Variants in SVEP1 observed in about 807,000 individuals in gnomAD.
SVEP1 encodes the protein sushi, von Willebrand factor type A, EGF and pentraxin domain containing 1.
A neutral mutation model predicts 367.3 loss-of-function variants in SVEP1; 164 were observed. The ratio of observed to expected loss-of-function variants is 0.45; its 90% CI spans 0.39 to 0.51. The LOEUF (loss-of-function observed/expected upper bound fraction) is 0.51. Among genes scored for constraint, SVEP1 ranks in the 20% least tolerant of loss-of-function variants. SVEP1 has a pLI of 0.00. For missense variants in SVEP1, 4,117 were observed against 4,425.3 expected (o/e 0.93, Z 1.98); for synonymous variants, 1,666 against 1,611.6 (o/e 1.03, Z -0.81).
At chr9:110,409,175 C>T (rs1224741080) in intron 37 of SVEP1, among the ~76,000 whole-genome samples, 1 of 152,142 alleles carries the variant, frequency 6.6e-6, no homozygotes, top group East Asian at 1.9e-4. Context: ...ACGATTCATG[C>T]CTACAATCCC....
chr9:110,443,954 G>A (rs77762920), intron 26 of SVEP1, among the ~76,000 whole-genome samples: 2 of 152,026 alleles, frequency 1.3e-5, no homozygotes, highest in Admixed American at 6.6e-5. Flanking sequence ...TAAACACTGA[G>A]GGGTAGGAAA....
At chr9:110,477,450 G>A (rs1226343954) in intron 13 of SVEP1, among the ~76,000 whole-genome samples, 1 of 152,178 alleles carries the variant, frequency 6.6e-6, no homozygotes, top group East Asian at 1.9e-4. Flanking sequence ...GAGAAAAAAT[G>A]TAACCCTGCT....
chr9:110,460,215 T>C (rs1190617081), intron 18 of SVEP1, among the ~76,000 whole-genome samples: 4 of 152,244 alleles, frequency 2.6e-5, no homozygotes, highest in Non-Finnish European at 2.9e-5. Context: ...ATATTTGGAA[T>C]ATGCTTTAAT....
chr9:110,555,222 A>G (rs552605465), intron 1 of SVEP1, among the ~76,000 whole-genome samples: 41 of 139,600 alleles, frequency 2.9e-4, no homozygotes, highest in East Asian at 2.5e-3. Flanking sequence ...AGAAGTGGGG[A>G]AAAAAAAAAA....
chr9:110,412,939 G>T (rs1828065166), intron 36 of SVEP1, among the ~76,000 whole-genome samples: 1 of 150,944 alleles, frequency 6.6e-6, no homozygotes, highest in African/African-American at 2.4e-5. Context: ...TTACACTGTT[G>T]GTGGGACTGT....
At chr9:110,416,180 GA>G (rs961059816) in intron 36 of SVEP1, among the ~76,000 whole-genome samples, 2 of 151,702 alleles carry the variant, frequency 1.3e-5, no homozygotes, top group African/African-American at 4.9e-5. Flanking sequence ...TTGGCAGACA[GA>G]AAAAACTGCA....
rs774801313 is a variant in SVEP1 at position 110,450,187 on chromosome 9, C to G, written c.3975G>C (p.Gln1325His). 6 of 1,613,780 alleles carry G rather than the reference C, an allele frequency of 3.7e-6. No individual in the cohort carries two copies. In the East Asian group the frequency reaches 1.3e-4, roughly 36 times the overall value. Residue 1325 changes from glutamine to histidine, a missense_variant, in exon 24 of 48, where the codon CAG becomes CAC. This residue lies in a region of SVEP1 where 2,174 missense variants were observed against 2,494.3 expected (regional missense o/e 0.87). Transcript: ENST00000374469. ...PCLNNAVCED[Q>H]VGGFLCKCPP... ...GGCATTTGCACAAGAATCCCCCAAC[C>G]TGGTCTTCACAGACTGCATTATTTA...
chr9:110,397,638 C>T (rs1025818333), intron 40 of SVEP1, among the ~76,000 whole-genome samples: 4 of 152,190 alleles, frequency 2.6e-5, no homozygotes, highest in African/African-American at 9.7e-5. Context: ...TAAGCAACTT[C>T]AGCAAAGTCT....
intron 36 of SVEP1, among the ~76,000 whole-genome samples, chr9:110,418,725 G>A (rs1828150566): frequency 2.3e-5 from 1 of 42,606 alleles, no homozygotes; most frequent in Non-Finnish European, 4.8e-5. Context: ...AGAAAGGTCG[G>A]GTTACCCTCA....
chr9:110,377,507 G>T, intron 44 of SVEP1, 141 bp from the exon 45 acceptor site: 3 of 657,502 alleles, frequency 4.6e-6, no homozygotes, highest in South Asian at 2.2e-5. Flanking sequence ...ATCTCAGGAG[G>T]GAATTTCAGT....
intron 21 of SVEP1, among the ~76,000 whole-genome samples, chr9:110,456,398 TC>T (rs1021608592): frequency 4.6e-5 from 7 of 152,256 alleles, no homozygotes; most frequent in Non-Finnish European, 7.4e-5. Context: ...TTTACAGAAT[TC>T]CCAAACAAGA....
At chr9:110,479,027 C>G (rs1829144252) in intron 13 of SVEP1, among the ~76,000 whole-genome samples, 1 of 151,968 alleles carries the variant, frequency 6.6e-6, no homozygotes, top group Non-Finnish European at 1.5e-5. Context: ...AAGTGATTCT[C>G]CTGCCTCAGC....
rs1158624251 is a variant in SVEP1, at chr9:110,578,993, G to T, written c.531+20C>A. 2 of 1,510,638 alleles carry T rather than the reference G, an allele frequency of 1.3e-6. No individual in the cohort carries two copies. The highest frequency in any genetic ancestry group is 4.9e-5 in the East Asian group (2 of 40,808). The allele number at this position is 1,510,638 out of a possible 1,614,324, so 93.6% of individuals were successfully genotyped here. A position where few individuals can be genotyped will look rare whatever the true frequency, so the allele number is the denominator to read the frequency against. ...GGGCCCGGGGACTAGGGCCCGGGTC[G>T]GGAGGGGCGGGCGCCTTACCGCGGC... On this transcript the variant is annotated intron_variant, in intron 1 of 47. Transcript: ENST00000374469.
Position 110,459,057 on chromosome 9 carries a change from G to C in SVEP1, c.3379C>G (p.Pro1127Ala). 1 of 1,613,822 alleles carries C rather than the reference G, an allele frequency of 6.2e-7. No individual in the cohort carries two copies. The highest frequency in any genetic ancestry group is 8.5e-7 in the Non-Finnish European group (1 of 1,179,758). ...RSGLMPCHPC[P>A]RDYYQPNAGK... ...GCATTAGGTTGGTAATAGTCACGAG[G>C]ACATGGGTGACAGGGCATTAACCCA... The change falls in exon 19 of 48, where the codon CCT becomes GCT. Residue 1127 changes from proline to alanine, a missense_variant. Pro to Ala is a conservative substitution (Grantham distance 27, BLOSUM62 -1). Coordinates refer to ENST00000374469, the MANE Select transcript of SVEP1 (RefSeq NM_153366.4).
intron 12 of SVEP1, 88 bp downstream of exon 12, chr9:110,481,154 T>C (rs1234256560): frequency 2.9e-6 from 3 of 1,028,430 alleles, no homozygotes; most frequent in Non-Finnish European, 3.9e-6. Flanking sequence ...CATTAATTCC[T>C]ATCGTAAGGC....
chr9:110,494,749 T>C (rs1300842414), intron 8 of SVEP1, among the ~76,000 whole-genome samples: 2 of 151,918 alleles, frequency 1.3e-5, no homozygotes, highest in Non-Finnish European at 2.9e-5. Context: ...ACAATAAATA[T>C]AGTGGGGTTT....
intron 36 of SVEP1, among the ~76,000 whole-genome samples, chr9:110,417,275 G>A (rs575151604): frequency 2.1e-5 from 3 of 140,406 alleles, no homozygotes; most frequent in Admixed American, 7.2e-5. Flanking sequence ...TGCGCGAGCC[G>A]AAGCAGGGCG....
In SVEP1 at chr9:110,411,520, T is replaced by C. The variant is rs1479011547; in HGVS notation, c.6191A>G (p.Gln2064Arg). ...ACCTTCTGGGGGTACCCACTTGCCCTGGGCATTGCAGAGAAGCTGGGAATT... is the reference window on the plus strand; with the variant it reads ...ACCTTCTGGGGGTACCCACTTGCCCCGGGCATTGCAGAGAAGCTGGGAATT... ...ADNSQLLCNA[Q>R]GKWVPPEGQD... Residue 2064 changes from glutamine to arginine, a missense_variant, in exon 37 of 48, where the codon CAG becomes CGG. Coordinates refer to ENST00000374469, the MANE Select transcript of SVEP1 (RefSeq NM_153366.4). The C allele has an allele frequency of 6.2e-7, 1 of 1,613,888 alleles. No homozygotes were observed. Among genetic ancestry groups the C allele is most frequent in the Non-Finnish European group, 8.5e-7 (1 of 1,179,904 alleles).
chr9:110,558,050 T>C (rs1378182355), intron 1 of SVEP1, among the ~76,000 whole-genome samples: 1 of 152,108 alleles, frequency 6.6e-6, no homozygotes, highest in Non-Finnish European at 1.5e-5. Flanking sequence ...GGCTAGTGGC[T>C]ATAATATGGG....
Sources: gnomAD v4.1 joint callset for allele counts (sites outside exome capture counted in the v4.1 genomes callset) on GRCh38, gnomAD v4.1.1 for gene constraint, gnomAD v4.1.1 regional missense constraint, MANE v1.5 for transcripts, NCBI Gene and HGNC (gene_info 2026-07-23, HGNC 2026-07-21) for gene names.